Variants in BCAS3 observed in about 807,000 individuals in gnomAD.
BCAS3 encodes BCAS3 microtubule associated cell migration factor.
Under a neutral mutation model 116.1 loss-of-function variants are expected in BCAS3, and 53 were observed. The observed-to-expected ratio is 0.46, with a 90% CI of 0.37 to 0.57. The LOEUF (loss-of-function observed/expected upper bound fraction) is 0.57, where lower values mean the gene tolerates loss of function less well. Among genes scored for constraint, BCAS3 ranks in the 20% least tolerant of loss-of-function variants. The probability of loss-of-function intolerance (pLI) is 0.00; values close to 1 mark genes in which losing one functional copy is unlikely to be tolerated. For missense variants in BCAS3, 917 were observed against 1,165.4 expected (o/e 0.79, Z 3.10); for synonymous variants, 391 against 408.2 (o/e 0.96, Z 0.51).
intron 9 of BCAS3, among the ~76,000 whole-genome samples, chr17:60,889,258 C>T (rs1334753379): frequency 1.3e-5 from 2 of 152,116 alleles, no homozygotes; most frequent in Non-Finnish European, 1.5e-5. Context: ...TTCTTTTTCT[C>T]TCCTCATTGT....
rs188753938 is a variant in BCAS3, at chr17:61,016,423, C to A, written c.1637+522C>A. 7.9e-5 allele frequency among the ~76,000 whole-genome samples: 12 copies of A among 152,202 alleles called. No homozygotes were observed. In the East Asian group the frequency reaches 2.3e-3, roughly 29 times the overall value. ...CAAAGCCAGTGCACTAAGATTTGGG[C>A]TTTATTTAAGATTGGTCATTAACTT... On this transcript the variant is annotated intron_variant, in intron 16 of 23. Transcript: ENST00000407086.
At chr17:61,245,352 G>GAC (rs1449606050) in intron 22 of BCAS3, 1 of 152,060 alleles carries the variant, frequency 6.6e-6, no homozygotes, top group Non-Finnish European at 1.5e-5. Flanking sequence ...TTTGGGTGGA[G>GAC]ACACAGCCAA....
intron 22 of BCAS3, among the ~76,000 whole-genome samples, chr17:61,216,172 C>T (rs2081773952): frequency 6.6e-6 from 1 of 152,004 alleles, no homozygotes; most frequent in Non-Finnish European, 1.5e-5. Flanking sequence ...TTCCCATTTC[C>T]TAAGATTAAA....
intron 22 of BCAS3, among the ~76,000 whole-genome samples, chr17:61,274,311 CA>C (rs2050592968): frequency 9.8e-6 from 1 of 101,542 alleles, no homozygotes; most frequent in Non-Finnish European, 1.8e-5. Flanking sequence ...TTTTTTGAGA[CA>C]AGTTCTCAGT....
At position 61,281,227 on chromosome 17, in the gene BCAS3, ATGCCTAT is replaced by A. The variant is rs1183974388; in HGVS notation, c.2426-87097_2426-87091del. Among the ~76,000 whole-genome samples, 1 of 152,194 alleles carries A rather than the reference ATGCCTAT, an allele frequency of 6.6e-6. No individual in the cohort carries two copies. On this transcript the variant is annotated intron_variant, in intron 22 of 23. Coordinates refer to ENST00000407086, the MANE Select transcript of BCAS3 (RefSeq NM_017679.5). The surrounding 1 kb of genome is among the most constrained non-coding windows in gnomAD (Gnocchi z 4.2). ...ATAGTTTTCCACAATTTATTTCACAATGCCTATTGTTGGATGTATAGATGGTCTTCAA... is the reference window on the plus strand; with the variant it reads ...ATAGTTTTCCACAATTTATTTCACAATGTTGGATGTATAGATGGTCTTCAA...
intron 11 of BCAS3, among the ~76,000 whole-genome samples, chr17:60,909,239 A>G (rs2058356184): frequency 6.6e-6 from 1 of 152,204 alleles, no homozygotes; most frequent in Admixed American, 6.5e-5. Flanking sequence ...CTTCTTTGGA[A>G]AATACTTCTC....
chr17:61,055,710 T>C (rs770305613), intron 19 of BCAS3, among the ~76,000 whole-genome samples: 11 of 152,190 alleles, frequency 7.2e-5, no homozygotes, highest in Admixed American at 2.0e-4. Context: ...TTCTAATTTT[T>C]TTTTCTCTGT....
At chr17:61,038,587 G>A (rs369191478) in intron 18 of BCAS3, among the ~76,000 whole-genome samples, 2 of 150,588 alleles carry the variant, frequency 1.3e-5, no homozygotes, top group East Asian at 3.9e-4. Flanking sequence ...GAATCATATA[G>A]TATGTAATTT....
rs1230279539 is a variant in BCAS3 at position 61,104,496 on chromosome 17, T to C, written c.2425+19932T>C. Among the ~76,000 whole-genome samples, 1 of 152,190 alleles carries C rather than the reference T, an allele frequency of 6.6e-6. No homozygotes were observed. Among genetic ancestry groups the C allele is most frequent in the Non-Finnish European group, 1.5e-5 (1 of 68,034 alleles). ...GCCTTGGAACATCAGTAATTACTAT[T>C]TGAGGCAACCTTTGGGGATTGAGAT... On this transcript the variant is annotated intron_variant, in intron 22 of 23. Coordinates refer to ENST00000407086, the MANE Select transcript of BCAS3 (RefSeq NM_017679.5). The surrounding 1 kb of genome is among the most constrained non-coding windows in gnomAD (Gnocchi z 4.1).
At position 61,141,923 on chromosome 17, in the gene BCAS3, T is replaced by TAA. The variant is rs1568440453; in HGVS notation, c.2425+57360_2425+57361insAA. On this transcript the variant is annotated intron_variant, in intron 22 of 23. Coordinates refer to ENST00000407086, the MANE Select transcript of BCAS3 (RefSeq NM_017679.5). The surrounding 1 kb of genome is among the most constrained non-coding windows in gnomAD (Gnocchi z 4.3). Reference sequence around the variant, plus strand: ...TCAAGAAAAAAAAAAAAAAAAAAGTTAGACAATTATACAGAGATACTCAAG... The same window carrying TAA: ...TCAAGAAAAAAAAAAAAAAAAAAGTTAAAGACAATTATACAGAGATACTCAAG... 5.1e-4 allele frequency among the ~76,000 whole-genome samples: 6 copies of TAA among 11,880 alleles called. 1 individual carries two copies. Among genetic ancestry groups the TAA allele is most frequent in the Admixed American group, 3.9e-3 (1 of 254 alleles). 7.8% of individuals were successfully genotyped at this position (11,880 alleles called of 152,430 possible). A position where few individuals can be genotyped will look rare whatever the true frequency, so the allele number is the denominator to read the frequency against.
In BCAS3 at chr17:61,219,164, T is replaced by G. The variant is rs1186932749; in HGVS notation, c.2425+134600T>G. Among the ~76,000 whole-genome samples, 1 of 152,162 alleles carries G rather than the reference T, an allele frequency of 6.6e-6. No individual in the cohort carries two copies. The highest frequency in any genetic ancestry group is 1.9e-4 in the East Asian group (1 of 5,206). ...ACAGGTCTGTAGCCTTTTTGAGAAG[T>G]GTTCACTCTTCTTATGGGGGACGAA... On this transcript the variant is annotated intron_variant, in intron 22 of 23. Transcript: ENST00000407086. This position sits in a 1 kb window ranked among gnomAD's most constrained non-coding sequence, Gnocchi z 5.2.
At chr17:60,968,929 A>T (rs1229604171) in intron 14 of BCAS3, among the ~76,000 whole-genome samples, 1 of 151,614 alleles carries the variant, frequency 6.6e-6, no homozygotes, top group Non-Finnish European at 1.5e-5. Context: ...CTGCCAGAGC[A>T]CCCAAGATGG....
chr17:60,907,259 G>T (rs1238005810), intron 11 of BCAS3, among the ~76,000 whole-genome samples: 1 of 151,998 alleles, frequency 6.6e-6, no homozygotes, highest in Non-Finnish European at 1.5e-5. Flanking sequence ...TATTGAAATT[G>T]TTCAAATGAG....
At chr17:60,715,132 CTT>C (rs200488032) in intron 5 of BCAS3, among the ~76,000 whole-genome samples, 14 of 125,356 alleles carry the variant, frequency 1.1e-4, no homozygotes, top group East Asian at 2.1e-4. Context: ...CTTTCTCTTT[CTT>C]TTTTTTTTTT....
intron 15 of BCAS3, among the ~76,000 whole-genome samples, chr17:60,996,123 A>T (rs542470227): frequency 6.6e-6 from 1 of 152,028 alleles, no homozygotes; most frequent in Non-Finnish European, 1.5e-5. Context: ...AGGGCAGATG[A>T]TTGTTAGCCT....
At chr17:60,829,660 C>T (rs184289349) in intron 7 of BCAS3, among the ~76,000 whole-genome samples, 109 of 152,236 alleles carry the variant, frequency 7.2e-4, no homozygotes, top group Non-Finnish European at 1.3e-3. Context: ...GTATATGTAA[C>T]TAGGAGTGGA....
chr17:61,232,754 C>T (rs2082766584), intron 22 of BCAS3, among the ~76,000 whole-genome samples: 1 of 152,220 alleles, frequency 6.6e-6, no homozygotes, highest in Non-Finnish European at 1.5e-5. Context: ...TCGGCCTCTT[C>T]AACCCTTCTG....
At chr17:60,794,671 C>T (rs1026978143) in intron 6 of BCAS3, among the ~76,000 whole-genome samples, 11 of 152,284 alleles carry the variant, frequency 7.2e-5, no homozygotes, top group Middle Eastern at 3.4e-3. Flanking sequence ...GTCCTTTCCC[C>T]ACTTTATGTT....
At chr17:60,689,435 C>G (rs1002673216) in intron 3 of BCAS3, among the ~76,000 whole-genome samples, 1 of 152,188 alleles carries the variant, frequency 6.6e-6, no homozygotes, top group Non-Finnish European at 1.5e-5. Flanking sequence ...CTTGGCCTCC[C>G]AAAGTGCTGA....
Sources: gnomAD v4.1 joint callset for allele counts (sites outside exome capture counted in the v4.1 genomes callset) on GRCh38, gnomAD v4.1.1 for gene constraint, Gnocchi (gnomAD v3.1) non-coding constraint, MANE v1.5 for transcripts, NCBI Gene and HGNC (gene_info 2026-07-23, HGNC 2026-07-21) for gene names.